Variants in PTPRJ observed in about 807,000 individuals in gnomAD.
PTPRJ encodes the protein receptor-type tyrosine-protein phosphatase eta.
Under a neutral mutation model 141.3 loss-of-function variants are expected in PTPRJ, and 129 were observed. That is an observed-to-expected ratio of 0.91 (90% CI 0.79 to 1.06). The LOEUF (loss-of-function observed/expected upper bound fraction) is 1.06. Among genes scored for constraint, PTPRJ ranks in the 50% least tolerant of loss-of-function variants. The pLI is 0.00. For missense variants in PTPRJ, 1,601 were observed against 1,679.7 expected (o/e 0.95, Z 0.82); for synonymous variants, 610 against 640.5 (o/e 0.95, Z 0.72).
chr11:48,072,317 A>G (rs1036671520), intron 1 of PTPRJ, among the ~76,000 whole-genome samples: 2 of 152,212 alleles, frequency 1.3e-5, no homozygotes, highest in African/African-American at 2.4e-5. Flanking sequence ...GTGCTATCCC[A>G]TGGCAGAAGT....
chr11:48,140,830 TTAA>T (rs34981518), intron 11 of PTPRJ, among the ~76,000 whole-genome samples: 25,638 of 152,236 alleles, frequency 0.17, 2,477 homozygotes, highest in South Asian at 0.41. Context: ...CTGTGAAGTA[TTAA>T]TGAGTTATTT....
In PTPRJ at chr11:48,053,797, G is replaced by A. The variant is rs569333618; in HGVS notation, c.97-56261G>A. 1.2e-4 allele frequency among the ~76,000 whole-genome samples: 18 copies of A among 150,528 alleles called. No individual in the cohort carries two copies. In the South Asian group the frequency reaches 3.5e-3, roughly 30 times the overall value. On this transcript the variant is annotated intron_variant, in intron 1 of 24. Transcript: ENST00000418331. The stretch of plus-strand genomic sequence containing the variant: ...TCACCATGTTGGCCAGGCTGGTGTC[G>A]AACTCCTGACCTCATGATCCGCCCA...
chr11:47,980,979 C>T lies in PTPRJ; in HGVS notation c.67C>T (p.Leu23=). 1 of 1,089,308 alleles carries T rather than the reference C, an allele frequency of 9.2e-7. No individual in the cohort carries two copies. Among genetic ancestry groups the T allele is most frequent in the Non-Finnish European group, 1.1e-6 (1 of 889,582 alleles). The allele number at this position is 1,089,308 out of a possible 1,614,324, so 67.5% of individuals were successfully genotyped here. Residue 23 remains leucine (L), a synonymous_variant, in exon 1 of 25, where the codon CTG becomes TTG. Transcript: ENST00000418331. ...GCCCGGGCTGCGCTGGGCGCTGCCG[C>T]TGCTGCTGCTGCTGCTGCGCCTGGG... ...RSPGLRWALP[L]LLLLLRLGQI... is the part of the protein sequence containing the mutation.
At chr11:47,982,058 C>T (rs2134168955) in intron 1 of PTPRJ, among the ~76,000 whole-genome samples, 1 of 151,692 alleles carries the variant, frequency 6.6e-6, no homozygotes, top group African/African-American at 2.4e-5. Context: ...AAAACTTCTC[C>T]AGCGCGAATA....
At chr11:48,095,321 T>G (rs375519371) in intron 1 of PTPRJ, among the ~76,000 whole-genome samples, 2 of 152,212 alleles carry the variant, frequency 1.3e-5, no homozygotes, top group Non-Finnish European at 2.9e-5. Flanking sequence ...GAATTTTTGC[T>G]TTTTCTTTGT....
chr11:48,133,742 G>A (rs1299558773), intron 8 of PTPRJ, among the ~76,000 whole-genome samples: 1 of 152,080 alleles, frequency 6.6e-6, no homozygotes. Context: ...GATAAAATGT[G>A]GTTCATCCAT....
intron 1 of PTPRJ, among the ~76,000 whole-genome samples, chr11:48,091,258 G>C (rs1024685598): frequency 6.6e-6 from 1 of 152,150 alleles, no homozygotes; most frequent in Non-Finnish European, 1.5e-5. Flanking sequence ...AAATGGAGCT[G>C]AGAGCATCCC....
chr11:48,005,222 A>T (rs1177766351), intron 1 of PTPRJ, among the ~76,000 whole-genome samples: 1 of 142,468 alleles, frequency 7.0e-6, no homozygotes, highest in African/African-American at 2.6e-5. Context: ...ACTCTATCTT[A>T]AAAAAAAAAA....
At chr11:48,081,703 A>G (rs560516620) in intron 1 of PTPRJ, among the ~76,000 whole-genome samples, 2 of 144,806 alleles carry the variant, frequency 1.4e-5, no homozygotes, top group South Asian at 4.3e-4. Flanking sequence ...CCACGGACTC[A>G]TTGTAAGATT....
intron 22 of PTPRJ, among the ~76,000 whole-genome samples, chr11:48,162,569 A>G (rs561781037): frequency 7.9e-5 from 12 of 152,336 alleles, no homozygotes; most frequent in African/African-American, 2.9e-4. Context: ...CCAAATTTTG[A>G]ATACTGCACA....
intron 1 of PTPRJ, among the ~76,000 whole-genome samples, chr11:48,047,252 A>AACAAAAG (rs1854431926): frequency 6.6e-6 from 1 of 152,090 alleles, no homozygotes; most frequent in African/African-American, 2.4e-5. Flanking sequence ...TTTGCAGAAG[A>AACAAAAG]ATTATCAATC....
chr11:48,162,262 C>T (rs2134387686), intron 22 of PTPRJ, among the ~76,000 whole-genome samples: 1 of 152,028 alleles, frequency 6.6e-6, no homozygotes, highest in Admixed American at 6.6e-5. Flanking sequence ...TGACTACCAC[C>T]CCTAACCTGA....
intron 7 of PTPRJ, among the ~76,000 whole-genome samples, chr11:48,128,722 T>G (rs1174327124): frequency 1.3e-5 from 2 of 152,110 alleles, no homozygotes; most frequent in Non-Finnish European, 2.9e-5. Context: ...CTTTTACAGA[T>G]GAGGAAATGA....
chr11:48,139,683 A>C lies in PTPRJ; in HGVS notation c.2350A>C (p.Asn784His). 1.2e-6 allele frequency: 2 copies of C among 1,614,126 alleles called. No individual in the cohort carries two copies. Among genetic ancestry groups the C allele is most frequent in the Non-Finnish European group, 1.7e-6 (2 of 1,180,024 alleles). The stretch of plus-strand genomic sequence containing the variant: ...GTATAGAACGGAAGTCACGTATTTG[A>C]ATTTTTCTACCTCGTACAACATCAG... ...TEYRTEVTYL[N>H]FSTSYNISIT... The change falls in exon 11 of 25, where the codon AAT (asparagine) becomes CAT (histidine). Residue 784 changes from asparagine to histidine, a missense_variant. Asn to His is a moderately conservative substitution (Grantham distance 68, BLOSUM62 1). Transcript: ENST00000418331.
intron 1 of PTPRJ, among the ~76,000 whole-genome samples, chr11:48,041,372 C>T (rs1400951869): frequency 2.0e-5 from 3 of 152,326 alleles, no homozygotes; most frequent in African/African-American, 7.2e-5. Context: ...TGAAGGCCTA[C>T]TGTGTGCATG....
chr11:48,128,525 A>G (rs1165813337), intron 7 of PTPRJ, among the ~76,000 whole-genome samples: 1 of 152,184 alleles, frequency 6.6e-6, no homozygotes, highest in African/African-American at 2.4e-5. Flanking sequence ...GCAGCAAATA[A>G]AAAGCTTTAG....
In PTPRJ at chr11:48,130,471, T is replaced by C; in HGVS notation, c.1370T>C (p.Val457Ala). ...FLQVHTPPVP[V>A]SDFRVTVVST... The stretch of plus-strand genomic sequence containing the variant: ...TTTCTTTGCATAGCCCCTGTTCCAG[T>C]TTCTGACTTCCGAGTGACAGTGGTC... Residue 457 changes from valine to alanine, a missense_variant, in exon 8 of 25, where the codon GTT (valine) becomes GCT (alanine). Coordinates refer to ENST00000418331, the MANE Select transcript of PTPRJ (RefSeq NM_002843.4). 6.2e-7 allele frequency: 1 copy of C among 1,611,512 alleles called. No homozygotes were observed. The highest frequency in any genetic ancestry group is 8.5e-7 in the Non-Finnish European group (1 of 1,178,326).
chr11:48,091,366 A>G (rs1855862410), intron 1 of PTPRJ, among the ~76,000 whole-genome samples: 1 of 152,130 alleles, frequency 6.6e-6, no homozygotes, highest in African/African-American at 2.4e-5. Context: ...CCCTAATATC[A>G]TTACTATCCC....
chr11:48,063,337 A>C (rs1028016822), intron 1 of PTPRJ, among the ~76,000 whole-genome samples: 1 of 152,198 alleles, frequency 6.6e-6, no homozygotes, highest in Non-Finnish European at 1.5e-5. Context: ...CAAAAACAAC[A>C]ACAACAAGAA....
Sources: gnomAD v4.1 joint callset for allele counts (sites outside exome capture counted in the v4.1 genomes callset) on GRCh38, gnomAD v4.1.1 for gene constraint, MANE v1.5 for transcripts, NCBI Gene and HGNC (gene_info 2026-07-23, HGNC 2026-07-21) for gene names.